Variants in DMD observed in about 807,000 individuals in gnomAD.
DMD encodes the protein dystrophin.
Under a neutral mutation model 330.1 loss-of-function variants are expected in DMD, and 63 were observed. The observed-to-expected ratio is 0.19, with a 90% CI of 0.16 to 0.24. The LOEUF (loss-of-function observed/expected upper bound fraction) is 0.24. Among genes scored for constraint, DMD ranks in the 10% least tolerant of loss-of-function variants. DMD has a pLI of 1.00. For missense variants in DMD, 3,344 were observed against 2,684.1 expected, an observed-to-expected ratio of 1.25 and a Z score of -5.43; for synonymous variants, 1,223 against 959.8, an observed-to-expected ratio of 1.27 and a Z score of -5.07.
intron 1 of DMD, among the ~76,000 whole-genome samples, chrX:33,316,154 T>C (rs1342558188): frequency 9.0e-6 from 1 of 110,574 alleles, no homozygotes. Context: ...AAAAACATAC[T>C]CAACTTTCAT....
At chrX:32,992,887 C>G (rs1422419291) in intron 2 of DMD, among the ~76,000 whole-genome samples, 1 of 54,093 alleles carries the variant, frequency 1.8e-5, no homozygotes, top group Non-Finnish European at 3.2e-5. Context: ...GCCTGGGCAA[C>G]AAAAGCCAAG....
chrX:33,237,883 G>A (rs903805561), intron 1 of DMD, among the ~76,000 whole-genome samples: 1 of 111,680 alleles, frequency 9.0e-6, no homozygotes, highest in South Asian at 3.7e-4. Context: ...ACCCATATAC[G>A]TGCACAACAA....
At chrX:31,870,365 CA>C (rs2093870705) in intron 48 of DMD, among the ~76,000 whole-genome samples, 1 of 111,682 alleles carries the variant, frequency 9.0e-6, no homozygotes, top group African/African-American at 3.3e-5. Flanking sequence ...ATAGAATCAT[CA>C]AAAAAGATAG....
chrX:32,612,766 C>T (rs2057276057), intron 12 of DMD, among the ~76,000 whole-genome samples: 1 of 111,117 alleles, frequency 9.0e-6, no homozygotes, highest in Non-Finnish European at 1.9e-5. Context: ...AATTGCAATA[C>T]AGTTGATGTT....
chrX:31,940,565 A>G (rs1434553821), intron 45 of DMD, among the ~76,000 whole-genome samples: 1 of 111,774 alleles, frequency 8.9e-6, no homozygotes, highest in African/African-American at 3.3e-5. Flanking sequence ...ACAAAAGCGA[A>G]GTGCCCTGGG....
chrX:32,482,733 T>G (rs1006019751), intron 21 of DMD, among the ~76,000 whole-genome samples: 1 of 111,565 alleles, frequency 9.0e-6, no homozygotes, highest in African/African-American at 3.2e-5. Context: ...TCTCTGAGGG[T>G]TAGGTAAAAT....
chrX:32,312,953 A>AAAAAAAAAAAAAAAAAAAC (rs2097569372), intron 41 of DMD, among the ~76,000 whole-genome samples: 1 of 90,174 alleles, frequency 1.1e-5, no homozygotes, highest in Non-Finnish European at 2.3e-5. Flanking sequence ...AAAAAAAAAA[A>AAAAAAAAAAAAAAAAAAAC]AAAAAAAAAA....
In DMD at chrX:32,811,178, T is replaced by TAAAA. The variant is rs751834619; in HGVS notation, c.531-1571_531-1568dup. On this transcript the variant is annotated intron_variant, in intron 6 of 78. Transcript: ENST00000357033. ...GTGAGACCTGGTCTCTACAACTTAT[T>TAAAA]AAAAAAAAAAAAAAAAAATAGCCAA... Among the ~76,000 whole-genome samples the TAAAA allele has an allele frequency of 5.2e-3, 452 of 86,496 alleles. 3 individuals are homozygous for TAAAA. Among genetic ancestry groups the TAAAA allele is most frequent in the African/African-American group, 0.017 (411 of 23,810 alleles). 75.1% of individuals were successfully genotyped at this position (86,496 alleles called of 115,157 possible).
At chrX:33,324,169 T>G (rs1327532385) in intron 1 of DMD, among the ~76,000 whole-genome samples, 2 of 111,444 alleles carry the variant, frequency 1.8e-5, no homozygotes, top group African/African-American at 6.5e-5. Context: ...ATTATTTGAG[T>G]GCCAGCAACT....
chrX:32,418,705 A>C (rs1261318821), intron 29 of DMD, among the ~76,000 whole-genome samples: 1 of 111,032 alleles, frequency 9.0e-6, no homozygotes, highest in East Asian at 2.8e-4. Flanking sequence ...ATTGGTTCTT[A>C]CAATTTTTAG....
intron 43 of DMD, among the ~76,000 whole-genome samples, chrX:32,280,796 T>C (rs2097417930): frequency 8.9e-6 from 1 of 112,122 alleles, no homozygotes. Context: ...TTTCCTTATA[T>C]GGGTAATGTG....
At chrX:33,268,271 T>C (rs2053083468) in intron 1 of DMD, among the ~76,000 whole-genome samples, 1 of 111,116 alleles carries the variant, frequency 9.0e-6, no homozygotes, top group African/African-American at 3.3e-5. Flanking sequence ...ATTACAGGCA[T>C]GAGGCACTGC....
intron 48 of DMD, among the ~76,000 whole-genome samples, chrX:31,850,610 C>T (rs992343899): frequency 8.9e-6 from 1 of 112,058 alleles, no homozygotes; most frequent in Non-Finnish European, 1.9e-5. Flanking sequence ...GAATAATATG[C>T]CATATAAAAG....
At chrX:31,952,257 T>C (rs973060581) in intron 45 of DMD, among the ~76,000 whole-genome samples, 1 of 111,690 alleles carries the variant, frequency 9.0e-6, no homozygotes, top group African/African-American at 3.2e-5. Context: ...GTGAAGTGTT[T>C]GGCCATTATT....
Position 31,123,821 on chromosome X carries a change from C to G in DMD, c.11047-1891G>C, listed in dbSNP as rs150763434. On this transcript the variant is annotated intron_variant, in intron 78 of 78. Transcript: ENST00000357033. Reference sequence around the variant, plus strand: ...AGCTAGAAAACATATTACAAAACATCAACGAAAAGGGGAGAAAACTCATTT... The same window carrying G: ...AGCTAGAAAACATATTACAAAACATGAACGAAAAGGGGAGAAAACTCATTT... Among the ~76,000 whole-genome samples, 334 of 111,827 alleles carry G rather than the reference C, an allele frequency of 3.0e-3. 1 individual carries two copies. Among genetic ancestry groups the G allele is most frequent in the Middle Eastern group, 0.028 (6 of 217 alleles).
intron 48 of DMD, among the ~76,000 whole-genome samples, chrX:31,858,407 T>C (rs2093650791): frequency 9.0e-6 from 1 of 111,223 alleles, no homozygotes; most frequent in African/African-American, 3.3e-5. Flanking sequence ...TACATAGTTT[T>C]GTTAGAGACA....
At chrX:32,398,398 T>A (rs772540728) in intron 30 of DMD, among the ~76,000 whole-genome samples, 71 of 110,250 alleles carry the variant, frequency 6.4e-4, no homozygotes, top group African/African-American at 2.2e-3. Context: ...CTCCCCTACA[T>A]TGTTCCTTGA....
intron 21 of DMD, among the ~76,000 whole-genome samples, chrX:32,482,325 C>T (rs942822997): frequency 9.0e-6 from 1 of 111,098 alleles, no homozygotes; most frequent in Non-Finnish European, 1.9e-5. Flanking sequence ...CCTCCCAGAC[C>T]TAGGCAACCA....
intron 1 of DMD, among the ~76,000 whole-genome samples, chrX:33,224,877 C>T (rs1323348284): frequency 1.8e-5 from 2 of 110,517 alleles, no homozygotes; most frequent in Non-Finnish European, 3.8e-5. Flanking sequence ...AAAGGTTCTC[C>T]AAAAATAAAG....
Sources: gnomAD v4.1 joint callset for allele counts (sites outside exome capture counted in the v4.1 genomes callset) on GRCh38, gnomAD v4.1.1 for gene constraint, MANE v1.5 for transcripts, NCBI Gene and HGNC (gene_info 2026-07-23, HGNC 2026-07-21) for gene names.